AFG2A: variants seen among roughly 807,000 people sequenced by gnomAD.
The protein encoded by AFG2A is ATPase family gene 2 protein homolog A.
the AFG2A span, among the ~76,000 whole-genome samples, chr4:123,021,066 T>A: frequency 1.3e-5 from 2 of 152,224 alleles, no homozygotes; most frequent in Admixed American, 1.3e-4. Context: ...TTTTCACTAT[T>A]TTAATTTGGA....
chr4:123,160,817 GT>G, the AFG2A span, among the ~76,000 whole-genome samples: 1 of 151,046 alleles, frequency 6.6e-6, no homozygotes, highest in Non-Finnish European at 1.5e-5. Flanking sequence ...CTATATATAG[GT>G]TTTTTTCTTA....
chr4:123,278,308 T>G, the AFG2A span, among the ~76,000 whole-genome samples: 1 of 152,178 alleles, frequency 6.6e-6, no homozygotes, highest in Non-Finnish European at 1.5e-5. Context: ...AGTGGTAATG[T>G]CCCCTTTGTC....
the AFG2A span, among the ~76,000 whole-genome samples, chr4:123,183,622 T>G: frequency 6.6e-6 from 1 of 152,188 alleles, no homozygotes; most frequent in African/African-American, 2.4e-5. Context: ...TAGGCCAAGA[T>G]GATAGTCACA....
chr4:122,945,967 C>T, the AFG2A span, among the ~76,000 whole-genome samples: 1 of 152,138 alleles, frequency 6.6e-6, no homozygotes, highest in African/African-American at 2.4e-5. Flanking sequence ...AGTCTTGGAA[C>T]AGTACCTAGG....
chr4:123,256,023 T>C, the AFG2A span: 1 of 1,614,072 alleles, frequency 6.2e-7, no homozygotes. Context: ...TAGGCTTTGA[T>C]GCGGCCTGGA....
At chr4:122,987,883 T>G in the AFG2A span, among the ~76,000 whole-genome samples, 1 of 152,208 alleles carries the variant, frequency 6.6e-6, no homozygotes, top group African/African-American at 2.4e-5. Flanking sequence ...TGGGTTTGTA[T>G]TCTTACCTTT....
the AFG2A span, among the ~76,000 whole-genome samples, chr4:123,158,939 A>T: frequency 5.3e-5 from 8 of 152,368 alleles, no homozygotes; most frequent in African/African-American, 1.9e-4. Flanking sequence ...TTAATCTAAA[A>T]TATTAATAGC....
At chr4:123,197,597 G>A in the AFG2A span, among the ~76,000 whole-genome samples, 2 of 151,666 alleles carry the variant, frequency 1.3e-5, no homozygotes, top group African/African-American at 2.4e-5. Context: ...GTGAAACCCC[G>A]TCTCTACTAA....
At chr4:123,027,582 A>G in the AFG2A span, among the ~76,000 whole-genome samples, 1 of 152,110 alleles carries the variant, frequency 6.6e-6, no homozygotes, top group Non-Finnish European at 1.5e-5. Context: ...ACTGGTTGTT[A>G]TAGTTAGTTC....
the AFG2A span, among the ~76,000 whole-genome samples, chr4:122,945,013 A>G: frequency 0.01 from 1,527 of 152,218 alleles, 34 homozygotes; most frequent in African/African-American, 0.035. Context: ...TCTCAGAGGA[A>G]TACCCGGCCG....
chr4:123,157,435 A>G, the AFG2A span, among the ~76,000 whole-genome samples: 4 of 152,142 alleles, frequency 2.6e-5, no homozygotes, highest in Admixed American at 1.3e-4. Flanking sequence ...CCTACTTTGT[A>G]TGGTTTACAT....
chr4:122,986,458 A>G, the AFG2A span, among the ~76,000 whole-genome samples: 24,855 of 152,154 alleles, frequency 0.16, 2,471 homozygotes, highest in East Asian at 0.45. Flanking sequence ...GGGAACTCCA[A>G]TGTTAGGTGC....
the AFG2A span, among the ~76,000 whole-genome samples, chr4:123,042,845 T>A: frequency 6.6e-6 from 1 of 152,234 alleles, no homozygotes; most frequent in Non-Finnish European, 1.5e-5. Flanking sequence ...TGCTGTATTC[T>A]GTATTTTACC....
the AFG2A span, among the ~76,000 whole-genome samples, chr4:123,075,633 G>A: frequency 1.3e-5 from 2 of 152,054 alleles, no homozygotes; most frequent in Admixed American, 6.6e-5. Flanking sequence ...GTGTCAGTGA[G>A]CTGTGAGCAC....
At chr4:123,074,694 A>G in the AFG2A span, among the ~76,000 whole-genome samples, 1 of 152,102 alleles carries the variant, frequency 6.6e-6, no homozygotes, top group Admixed American at 6.5e-5. Context: ...TTTTTACTAT[A>G]TTAGCACTAT....
At chr4:123,103,199 A>G in the AFG2A span, among the ~76,000 whole-genome samples, 1 of 152,066 alleles carries the variant, frequency 6.6e-6, no homozygotes, top group Admixed American at 6.6e-5. Flanking sequence ...TTTAAGAGAT[A>G]ATAGTTGAAG....
chr4:122,932,772 GA>G, the AFG2A span, among the ~76,000 whole-genome samples: 1 of 152,038 alleles, frequency 6.6e-6, no homozygotes, highest in African/African-American at 2.4e-5. Context: ...CCTTTCTCCA[GA>G]AAAAAACCTT....
chr4:123,257,662 T>G, the AFG2A span, among the ~76,000 whole-genome samples: 1 of 152,202 alleles, frequency 6.6e-6, no homozygotes, highest in African/African-American at 2.4e-5. Flanking sequence ...GTTAACTGAC[T>G]GCTCCAACAT....
chr4:123,065,712 T>C, the AFG2A span, among the ~76,000 whole-genome samples: 6 of 152,138 alleles, frequency 3.9e-5, no homozygotes, highest in Admixed American at 3.9e-4. Context: ...AGTTATAAGA[T>C]ACATCATTAT....
Sources: allele counts gnomAD v4.1 joint callset (sites outside exome capture counted in the v4.1 genomes callset), GRCh38; gene constraint gnomAD v4.1.1; transcripts MANE v1.5; gene names NCBI Gene and HGNC (gene_info 2026-07-23, HGNC 2026-07-21).